CSN2: variants seen among roughly 807,000 people sequenced by gnomAD.
CSN2 encodes the protein casein beta, also known as beta-casein.
Under a neutral mutation model 27.3 loss-of-function variants are expected in CSN2, and 27 were observed. That is an observed-to-expected ratio of 0.99 (90% CI 0.73 to 1.36). The LOEUF (loss-of-function observed/expected upper bound fraction) is 1.36. Ranked by LOEUF, CSN2 falls within the 40% of genes most tolerant of loss-of-function variation. The probability of loss-of-function intolerance (pLI) is 0.00; values close to 1 mark genes in which losing one functional copy is unlikely to be tolerated. For synonymous variants in CSN2, 131 were observed against 94.8 expected, an observed-to-expected ratio of 1.38 and a Z score of -2.22; for missense variants, 333 against 264.5, an observed-to-expected ratio of 1.26 and a Z score of -1.80.
chr4:69,962,118 T>C (rs1289041174), intron 1 of CSN2, among the ~76,000 whole-genome samples: 2 of 152,132 alleles, frequency 1.3e-5, no homozygotes, highest in African/African-American at 4.8e-5. Flanking sequence ...TCCATGCTCA[T>C]GGGTAGGAAG....
chr4:69,957,546 C>G lies in CSN2; in HGVS notation c.403G>C (p.Asp135His), dbSNP rs1221186757. The change falls in exon 6 of 8, where the codon GAT becomes CAT. Residue 135 changes from aspartate to histidine, a missense_variant. Asp to His is a moderately conservative substitution (Grantham distance 81). Transcript: ENST00000353151. The part of the protein sequence containing the change: ...FFDPQIPKLT[D>H]LENLHLPLPL... ...AGAGGAAGATGCAGATTTTCAAGAT[C>G]AGTGAGTTTTGGGATTTGAGGGTCA... 6.2e-7 allele frequency: 1 copy of G among 1,613,838 alleles called. No homozygotes were observed. The highest frequency in any genetic ancestry group is 8.5e-7 in the Non-Finnish European group (1 of 1,179,974).
chr4:69,960,170 A>C, intron 2 of CSN2, 91 bp from the exon 3 acceptor site: 1 of 1,208,930 alleles, frequency 8.3e-7, no homozygotes, highest in Admixed American at 1.8e-5. Context: ...CTCTAAAAAA[A>C]TAATCTCACC....
At chr4:69,965,408 C>CTATATA (rs756206077) in intron 1 of CSN2, among the ~76,000 whole-genome samples, 6,521 of 87,672 alleles carry the variant, frequency 0.074, 382 homozygotes, top group Non-Finnish European at 0.083. Context: ...TAGCCTCATA[C>CTATATA]TATATATATA....
intron 1 of CSN2, among the ~76,000 whole-genome samples, chr4:69,962,183 C>G (rs1394158921): frequency 1.3e-5 from 2 of 152,206 alleles, no homozygotes; most frequent in Non-Finnish European, 2.9e-5. Flanking sequence ...GATTCAATGC[C>G]ATCCCCATTA....
chr4:69,964,722 A>G (rs1287298746), intron 1 of CSN2, among the ~76,000 whole-genome samples: 1 of 150,410 alleles, frequency 6.6e-6, no homozygotes, highest in Non-Finnish European at 1.5e-5. Flanking sequence ...TATATTTTAT[A>G]AGTAATATAA....
At chr4:69,962,267 C>A (rs569224159) in intron 1 of CSN2, among the ~76,000 whole-genome samples, 9 of 152,114 alleles carry the variant, frequency 5.9e-5, no homozygotes, top group Non-Finnish European at 1.2e-4. Context: ...AAAGAGGCCA[C>A]ATTGCCAAGT....
rs1237590036 is a variant in CSN2 at position 69,957,662 on chromosome 4, G to A, written c.287C>T (p.Pro96Leu). ...QPAVVLPVPQPEIMEVPKAKD... is the reference protein window; with the variant it reads ...QPAVVLPVPQLEIMEVPKAKD... Reference sequence around the variant, plus strand: ...AGCTTTAGGGACTTCCATTATTTCAGGCTGAGGGACAGGCAGCACCACAGC... The same window carrying A: ...AGCTTTAGGGACTTCCATTATTTCAAGCTGAGGGACAGGCAGCACCACAGC... The change falls in exon 6 of 8, where the codon CCT becomes CTT. Residue 96 changes from proline (P) to leucine (L), a missense_variant. Transcript: ENST00000353151. 1 of 1,613,936 alleles carries A rather than the reference G, an allele frequency of 6.2e-7. No homozygotes were observed. The highest frequency in any genetic ancestry group is 1.3e-5 in the African/African-American group (1 of 74,974).
intron 3 of CSN2, among the ~76,000 whole-genome samples, chr4:69,959,594 C>A (rs956894886): frequency 6.6e-6 from 1 of 151,998 alleles, no homozygotes; most frequent in African/African-American, 2.4e-5. Context: ...CACTAAATCT[C>A]GCTTATTTAC....
intron 7 of CSN2, among the ~76,000 whole-genome samples, chr4:69,955,895 C>T (rs1221437905): frequency 1.3e-5 from 2 of 151,946 alleles, no homozygotes; most frequent in South Asian, 2.1e-4. Flanking sequence ...GTAATTTTAA[C>T]TCATGAATTA....
chr4:69,955,329 C>A lies in CSN2; in HGVS notation c.*300G>T, dbSNP rs1723363840. 6.6e-6 allele frequency: 1 copy of A among 152,280 alleles called. No homozygotes were observed. The highest frequency in any genetic ancestry group is 1.5e-5 in the Non-Finnish European group (1 of 67,888). The allele number at this position is 152,280 out of a possible 1,614,324, so 9.4% of individuals were successfully genotyped here. A position where few individuals can be genotyped will look rare whatever the true frequency, so the allele number is the denominator to read the frequency against. On this transcript the variant is annotated 3_prime_UTR_variant, in exon 8 of 8. Coordinates refer to ENST00000353151, the MANE Select transcript of CSN2 (RefSeq NM_001891.4). ...TAAAGAAATAAAAATAAGCACAATT[C>A]CAGAAACAATTTGTATACATATGTT...
At chr4:69,965,462 T>G (rs1243359385) in intron 1 of CSN2, among the ~76,000 whole-genome samples, 1 of 140,138 alleles carries the variant, frequency 7.1e-6, no homozygotes, top group Non-Finnish European at 1.5e-5. Flanking sequence ...AATTAGCTAT[T>G]ATATTTTCTT....
chr4:69,961,979 C>T (rs1342021426), intron 1 of CSN2, among the ~76,000 whole-genome samples: 1 of 152,122 alleles, frequency 6.6e-6, no homozygotes, highest in African/African-American at 2.4e-5. Context: ...AACTCCCATT[C>T]AAAATTGCTT....
At chr4:69,959,360 TA>T (rs1560398225) in intron 3 of CSN2, among the ~76,000 whole-genome samples, 3 of 152,040 alleles carry the variant, frequency 2.0e-5, no homozygotes, top group Non-Finnish European at 4.4e-5. Context: ...ATCTGATTTT[TA>T]AAAAAAGAAA....
intron 3 of CSN2, 32 bp downstream of exon 3, chr4:69,960,021 C>G (rs1293393264): frequency 6.2e-7 from 1 of 1,600,280 alleles, no homozygotes; most frequent in South Asian, 1.1e-5. Flanking sequence ...CAGGATTTTA[C>G]TGTTCTAAAA....
chr4:69,964,084 T>A (rs188481464), intron 1 of CSN2, among the ~76,000 whole-genome samples: 3 of 152,308 alleles, frequency 2.0e-5, no homozygotes, highest in Non-Finnish European at 2.9e-5. Flanking sequence ...TTTATTGGAC[T>A]ATTGAGTTTG....
At position 69,957,744 on chromosome 4, in the gene CSN2, C is replaced by T. The variant is rs773237229; in HGVS notation, c.205G>A (p.Val69Ile). The T allele has an allele frequency of 2.4e-5, 39 of 1,613,672 alleles. No homozygotes were observed. The highest frequency in any genetic ancestry group is 2.7e-5 in the African/African-American group (2 of 74,822). Residue 69 changes from valine (V) to isoleucine (I), a missense_variant, in exon 6 of 8, where the codon GTT becomes ATT. Transcript: ENST00000353151. ...FQPQPLIYPF[V>I]EPIPYGFLPQ... ...AGAAAACCATAGGGGATAGGTTCAA[C>T]GAATGGATAGATCAGAGGCTGTGGC...
chr4:69,958,967 A>T lies in CSN2; in HGVS notation c.100-14T>A, dbSNP rs1242238957. The stretch of plus-strand genomic sequence containing the variant: ...CTCAACTTTCTGCTAAAGATATATC[A>T]TATATAAAGATATGTTACCATCTGT... On this transcript the variant is annotated splice_polypyrimidine_tract_variant and intron_variant, in intron 4 of 7. Coordinates refer to ENST00000353151, the MANE Select transcript of CSN2 (RefSeq NM_001891.4). 2 of 1,583,850 alleles carry T rather than the reference A, an allele frequency of 1.3e-6. No homozygotes were observed. Among genetic ancestry groups the T allele is most frequent in the African/African-American group, 1.3e-5 (1 of 74,148 alleles).
chr4:69,961,905 G>A (rs1206913317), intron 1 of CSN2, among the ~76,000 whole-genome samples: 1 of 152,074 alleles, frequency 6.6e-6, no homozygotes, highest in East Asian at 1.9e-4. Context: ...CAAAATCAAT[G>A]TGCAAAAATC....
chr4:69,961,038 A>C, intron 1 of CSN2, 31 bp from the exon 2 acceptor site: 1 of 1,527,308 alleles, frequency 6.5e-7, no homozygotes. Context: ...GAATGGTGGA[A>C]GATTGGTCAA....
Sources: gnomAD v4.1 joint callset for allele counts (sites outside exome capture counted in the v4.1 genomes callset) on GRCh38, gnomAD v4.1.1 for gene constraint, MANE v1.5 for transcripts, NCBI Gene and HGNC (gene_info 2026-07-23, HGNC 2026-07-21) for gene names.